CSMD1: variants seen among roughly 807,000 people sequenced by gnomAD.
CSMD1 encodes the protein CUB and sushi domain-containing protein 1.
In CSMD1, 213 loss-of-function variants were observed where a neutral mutation model predicts 417.5. That is an observed-to-expected ratio of 0.51 (90% CI 0.46 to 0.57). CSMD1 has a LOEUF of 0.57. Among genes scored for constraint, CSMD1 ranks in the 20% least tolerant of loss-of-function variants. The pLI is 0.00. For missense variants in CSMD1, 6,923 were observed against 4,529.7 expected (o/e 1.53, Z -15.17); for synonymous variants, 2,862 against 1,736.8 (o/e 1.65, Z -16.11).
At chr8:4,114,222 A>T (rs771957170) in intron 3 of CSMD1, among the ~76,000 whole-genome samples, 7 of 152,206 alleles carry the variant, frequency 4.6e-5, no homozygotes, top group Admixed American at 1.3e-4. Flanking sequence ...AGTGGAAACC[A>T]ATGTTTGTTT....
intron 23 of CSMD1, among the ~76,000 whole-genome samples, chr8:3,331,694 G>C (rs1563280365): frequency 1.3e-5 from 2 of 152,308 alleles, no homozygotes; most frequent in African/African-American, 4.8e-5. Context: ...GGCCCCCAAA[G>C]ACACAGCTGG....
intron 23 of CSMD1, among the ~76,000 whole-genome samples, chr8:3,323,207 C>T (rs1196757433): frequency 6.6e-6 from 1 of 152,180 alleles, no homozygotes; most frequent in Non-Finnish European, 1.5e-5. Flanking sequence ...CTATGGTTCA[C>T]ATCACAGCAA....
intron 21 of CSMD1, 84 bp downstream of exon 21, chr8:3,359,068 C>T (rs927046475): frequency 4.6e-5 from 62 of 1,360,898 alleles, no homozygotes; most frequent in Non-Finnish European, 4.9e-5. Context: ...CAAACCCCCA[C>T]CCGACCCCGA....
chr8:4,691,366 C>T (rs547658927), intron 1 of CSMD1, among the ~76,000 whole-genome samples: 3 of 152,280 alleles, frequency 2.0e-5, no homozygotes, highest in South Asian at 4.1e-4. Flanking sequence ...TGGGCCCACT[C>T]ACCTAGATAG....
chr8:4,119,141 G>C (rs1802333359), intron 3 of CSMD1, among the ~76,000 whole-genome samples: 1 of 152,070 alleles, frequency 6.6e-6, no homozygotes, highest in African/African-American at 2.4e-5. Flanking sequence ...CCTAATGCAT[G>C]TCGGGCTTAA....
At chr8:3,970,470 A>G (rs1471970055) in intron 5 of CSMD1, among the ~76,000 whole-genome samples, 1 of 152,130 alleles carries the variant, frequency 6.6e-6, no homozygotes, top group Non-Finnish European at 1.5e-5. Flanking sequence ...TCTTCTGTAA[A>G]CCAGAAGAAA....
At chr8:3,843,922 T>G (rs1803305991) in intron 5 of CSMD1, among the ~76,000 whole-genome samples, 1 of 152,190 alleles carries the variant, frequency 6.6e-6, no homozygotes, top group Non-Finnish European at 1.5e-5. Flanking sequence ...AACTTTCCAT[T>G]GCATGCGCAC....
chr8:2,973,525 C>G (rs1219938975), intron 56 of CSMD1, among the ~76,000 whole-genome samples: 1 of 152,056 alleles, frequency 6.6e-6, no homozygotes, highest in Non-Finnish European at 1.5e-5. Flanking sequence ...ATAGCCTATT[C>G]AAATATGGTT....
chr8:4,522,313 A>G (rs1563253117), intron 2 of CSMD1, among the ~76,000 whole-genome samples: 2 of 152,174 alleles, frequency 1.3e-5, no homozygotes, highest in Admixed American at 6.5e-5. Context: ...CTCCCCAGCC[A>G]TGTGGAACTG....
chr8:4,317,288 C>T (rs957874542), intron 3 of CSMD1, among the ~76,000 whole-genome samples: 1 of 152,102 alleles, frequency 6.6e-6, no homozygotes, highest in Non-Finnish European at 1.5e-5. Flanking sequence ...GCTGAAAGCA[C>T]TGGTGTGATT....
At chr8:4,221,444 C>G (rs944242786) in intron 3 of CSMD1, among the ~76,000 whole-genome samples, 1 of 150,806 alleles carries the variant, frequency 6.6e-6, no homozygotes, top group Non-Finnish European at 1.5e-5. Context: ...TAACAGACAA[C>G]TGGAACTGAC....
intron 1 of CSMD1, among the ~76,000 whole-genome samples, chr8:4,899,074 C>T (rs1431696437): frequency 6.6e-6 from 1 of 152,128 alleles, no homozygotes; most frequent in African/African-American, 2.4e-5. Context: ...TAGCCCTATC[C>T]TGTGATTTAA....
chr8:4,244,003 G>T (rs1335495882), intron 3 of CSMD1, among the ~76,000 whole-genome samples: 7 of 152,168 alleles, frequency 4.6e-5, no homozygotes, highest in African/African-American at 1.7e-4. Flanking sequence ...TCCCTGCCAT[G>T]GAGTGGGAAG....
At chr8:4,080,972 C>T (rs1039409381) in intron 3 of CSMD1, among the ~76,000 whole-genome samples, 3 of 152,104 alleles carry the variant, frequency 2.0e-5, no homozygotes, top group African/African-American at 7.2e-5. Flanking sequence ...AATTAATGCC[C>T]TTATACAAGA....
chr8:4,925,820 T>G (rs1294264908), intron 1 of CSMD1, among the ~76,000 whole-genome samples: 3 of 152,188 alleles, frequency 2.0e-5, no homozygotes, highest in African/African-American at 7.2e-5. Context: ...GTGTTGGGAT[T>G]ACAGGCGTGA....
intron 57 of CSMD1, among the ~76,000 whole-genome samples, chr8:2,967,996 G>C (rs1804121354): frequency 6.6e-6 from 1 of 152,164 alleles, no homozygotes; most frequent in African/African-American, 2.4e-5. Context: ...TTCTCTGATG[G>C]TTCACGGTGT....
chr8:4,014,028 G>T (rs961797312), intron 4 of CSMD1, among the ~76,000 whole-genome samples: 1 of 152,128 alleles, frequency 6.6e-6, no homozygotes, highest in African/African-American at 2.4e-5. Flanking sequence ...AGGACATACG[G>T]AGAAATATTG....
chr8:3,265,680 C>T (rs1801381152), intron 26 of CSMD1, among the ~76,000 whole-genome samples: 1 of 152,198 alleles, frequency 6.6e-6, no homozygotes, highest in African/African-American at 2.4e-5. Flanking sequence ...GGATTTTATT[C>T]TAATATAAGT....
intron 1 of CSMD1, among the ~76,000 whole-genome samples, chr8:4,682,043 G>C (rs575888805): frequency 7.9e-5 from 12 of 152,262 alleles, no homozygotes; most frequent in South Asian, 2.1e-4. Context: ...TTTTGAGACA[G>C]GGTCTCACTC....
Sources: gnomAD v4.1 joint callset for allele counts (sites outside exome capture counted in the v4.1 genomes callset) on GRCh38, gnomAD v4.1.1 for gene constraint, MANE v1.5 for transcripts, NCBI Gene and HGNC (gene_info 2026-07-23, HGNC 2026-07-21) for gene names.